The following CSMD1 variants were observed in gnomAD, a reference collection of about 807,000 sequenced individuals.
CSMD1 encodes the protein CUB and sushi domain-containing protein 1.
A neutral mutation model predicts 417.5 loss-of-function variants in CSMD1; 213 were observed. The observed-to-expected ratio is 0.51, with a 90% CI of 0.46 to 0.57. The LOEUF (loss-of-function observed/expected upper bound fraction) is 0.57, where lower values mean the gene tolerates loss of function less well. Ranked by LOEUF, CSMD1 falls within the 20% of genes least tolerant of loss-of-function variation. The pLI, the probability that CSMD1 is intolerant of heterozygous loss-of-function variation, is 0.00. For missense variants in CSMD1, 6,923 were observed against 4,529.7 expected (o/e 1.53, Z -15.17); for synonymous variants, 2,862 against 1,736.8 (o/e 1.65, Z -16.11).
chr8:4,305,945 T>G (rs115200639), intron 3 of CSMD1, among the ~76,000 whole-genome samples: 2,565 of 152,294 alleles, frequency 0.017, 67 homozygotes, highest in African/African-American at 0.059. Flanking sequence ...TAAACTGTAT[T>G]GCAGGGTAAC....
chr8:3,373,171 A>G (rs953229690), intron 18 of CSMD1, among the ~76,000 whole-genome samples: 6 of 152,200 alleles, frequency 3.9e-5, no homozygotes, highest in Admixed American at 3.3e-4. Flanking sequence ...TTAACAGTAT[A>G]AAAACAATCA....
chr8:4,744,597 G>C (rs1376490237), intron 1 of CSMD1, among the ~76,000 whole-genome samples: 1 of 152,100 alleles, frequency 6.6e-6, no homozygotes, highest in African/African-American at 2.4e-5. Context: ...TTGGTTCGTG[G>C]TAGCAAAAAT....
chr8:3,960,301 T>G (rs980129897), intron 5 of CSMD1, among the ~76,000 whole-genome samples: 1 of 152,218 alleles, frequency 6.6e-6, no homozygotes, highest in African/African-American at 2.4e-5. Flanking sequence ...CAAATGTTAC[T>G]CTGCAAACCT....
rs149180280 is a variant in CSMD1, at chr8:2,949,862, C to A, written c.10314+369G>T. On this transcript the variant is annotated intron_variant, in intron 67 of 69. Coordinates refer to ENST00000635120, the MANE Select transcript of CSMD1 (RefSeq NM_033225.6). ...GGATGTCTTAAATCTTTCTATTTAT[C>A]TGGGAATGATTTCTTTTAGAACGAG... 1.3e-3 allele frequency among the ~76,000 whole-genome samples: 193 copies of A among 152,204 alleles called. 1 individual carries two copies. The highest frequency in any genetic ancestry group is 4.2e-3 in the African/African-American group (173 of 41,538).
At chr8:3,277,237 G>C (rs1802363130) in intron 26 of CSMD1, among the ~76,000 whole-genome samples, 1 of 152,102 alleles carries the variant, frequency 6.6e-6, no homozygotes, top group Non-Finnish European at 1.5e-5. Flanking sequence ...TTTGGCAGTG[G>C]GGAGAATGAG....
chr8:4,647,978 G>A (rs1302758227), intron 1 of CSMD1, among the ~76,000 whole-genome samples: 1 of 152,168 alleles, frequency 6.6e-6, no homozygotes, highest in Non-Finnish European at 1.5e-5. Flanking sequence ...CTAGATCCTT[G>A]AGGAACTGCC....
At chr8:3,176,978 A>C (rs920088770) in intron 37 of CSMD1, among the ~76,000 whole-genome samples, 2 of 151,868 alleles carry the variant, frequency 1.3e-5, no homozygotes, top group African/African-American at 4.8e-5. Flanking sequence ...AGGTTTTGCC[A>C]TGTTGCCCAG....
intron 18 of CSMD1, among the ~76,000 whole-genome samples, chr8:3,382,726 C>T (rs933394629): frequency 6.6e-6 from 1 of 150,988 alleles, no homozygotes; most frequent in Non-Finnish European, 1.5e-5. Flanking sequence ...CTTCTCTCTT[C>T]CAGTAGCAGA....
chr8:3,906,518 G>A lies in CSMD1; in HGVS notation c.818+91385C>T, dbSNP rs1169876640. ...TAAGAGAATGAAAAAACAAGGTTGTGCTCACTGTAAAGAGTGAAGACAAGG... is the reference window on the plus strand; with the variant it reads ...TAAGAGAATGAAAAAACAAGGTTGTACTCACTGTAAAGAGTGAAGACAAGG... On this transcript the variant is annotated intron_variant, in intron 5 of 69. Transcript: ENST00000635120. Among the ~76,000 whole-genome samples, 3 of 125,238 alleles carry A rather than the reference G, an allele frequency of 2.4e-5. No homozygotes were observed. The East Asian group carries it at 7.2e-4, about 30-fold the overall frequency. The allele number at this position is 125,238 out of a possible 152,430, so 82.2% of individuals were successfully genotyped here.
chr8:4,489,084 G>A (rs979041251), intron 2 of CSMD1, among the ~76,000 whole-genome samples: 10 of 152,086 alleles, frequency 6.6e-5, no homozygotes, highest in Non-Finnish European at 1.3e-4. Context: ...CTAATTTTTT[G>A]TATTTTTAGT....
intron 4 of CSMD1, among the ~76,000 whole-genome samples, chr8:4,029,316 G>A (rs1301665923): frequency 6.6e-6 from 1 of 152,176 alleles, no homozygotes; most frequent in East Asian, 1.9e-4. Context: ...TGGTGATAAT[G>A]CATACCCAAG....
chr8:4,843,859 C>T (rs955685575), intron 1 of CSMD1, among the ~76,000 whole-genome samples: 2 of 152,200 alleles, frequency 1.3e-5, no homozygotes, highest in African/African-American at 2.4e-5. Context: ...TTGGAGTCAA[C>T]CGCAATTTAA....
intron 3 of CSMD1, among the ~76,000 whole-genome samples, chr8:4,171,842 C>G (rs959256648): frequency 3.3e-5 from 5 of 152,046 alleles, no homozygotes; most frequent in Admixed American, 3.3e-4. Flanking sequence ...ATAAAAAATG[C>G]CCATTATGTG....
intron 12 of CSMD1, among the ~76,000 whole-genome samples, chr8:3,468,420 T>A (rs1395470666): frequency 2.0e-5 from 3 of 152,142 alleles, no homozygotes; most frequent in African/African-American, 7.2e-5. Context: ...TATGATATGG[T>A]CAAAAGATCC....
chr8:4,223,394 A>T (rs1585050493), intron 3 of CSMD1, among the ~76,000 whole-genome samples: 2 of 152,234 alleles, frequency 1.3e-5, no homozygotes, highest in South Asian at 4.1e-4. Flanking sequence ...AGCTGCCGCC[A>T]AGGTAAGCAG....
intron 3 of CSMD1, among the ~76,000 whole-genome samples, chr8:4,176,597 G>A (rs755633452): frequency 8.1e-6 from 1 of 122,808 alleles, no homozygotes; most frequent in Non-Finnish European, 1.7e-5. Context: ...AGGGACATAG[G>A]AGTAGGAAAT....
At chr8:3,286,998 GTA>G (rs1458884321) in intron 25 of CSMD1, among the ~76,000 whole-genome samples, 1 of 152,032 alleles carries the variant, frequency 6.6e-6, no homozygotes, top group Non-Finnish European at 1.5e-5. Context: ...ATTAATTTTT[GTA>G]TAAGGTGTAA....
chr8:3,691,530 G>A (rs1639965043), intron 7 of CSMD1, among the ~76,000 whole-genome samples: 1 of 152,280 alleles, frequency 6.6e-6, no homozygotes, highest in East Asian at 1.9e-4. Flanking sequence ...CAAGGAGGAA[G>A]CTCAGGACCT....
Position 3,893,339 on chromosome 8 carries a change from TTATATATA to T in CSMD1, c.818+104556_818+104563del, listed in dbSNP as rs56848640. On this transcript the variant is annotated intron_variant, in intron 5 of 69. Transcript: ENST00000635120. Reference sequence around the variant, plus strand: ...TCCCAAACTAATAATATTCACAATTTTATATATATATATATATATATATTATTTTTTTT... The same window carrying T: ...TCCCAAACTAATAATATTCACAATTTTATATATATATATATTATTTTTTTT... 4.9e-3 allele frequency among the ~76,000 whole-genome samples: 391 copies of T among 80,462 alleles called. 10 individuals are homozygous for T. The highest frequency in any genetic ancestry group is 0.017 in the Middle Eastern group (2 of 120). 52.8% of individuals were successfully genotyped at this position (80,462 alleles called of 152,430 possible).
Sources: gnomAD v4.1 joint callset for allele counts (sites outside exome capture counted in the v4.1 genomes callset) on GRCh38, gnomAD v4.1.1 for gene constraint, MANE v1.5 for transcripts, NCBI Gene and HGNC (gene_info 2026-07-23, HGNC 2026-07-21) for gene names.